The following HEMK2 variants were observed in gnomAD, a reference collection of about 807,000 sequenced individuals.
The protein encoded by HEMK2 is methyltransferase HEMK2.
chr21:28,687,037 G>T, the HEMK2 span, among the ~76,000 whole-genome samples: 57 of 152,272 alleles, frequency 3.7e-4, no homozygotes, highest in African/African-American at 1.3e-3. Context: ...AGTATCAGAG[G>T]TTGAACAAAA....
At chr21:28,771,463 T>C in the HEMK2 span, among the ~76,000 whole-genome samples, 1 of 149,768 alleles carries the variant, frequency 6.7e-6, no homozygotes, top group Non-Finnish European at 1.5e-5. Context: ...TACTGGCACC[T>C]AGTGGGTACA....
At chr21:28,803,055 C>G in the HEMK2 span, among the ~76,000 whole-genome samples, 2 of 152,196 alleles carry the variant, frequency 1.3e-5, no homozygotes, top group African/African-American at 4.8e-5. Flanking sequence ...AAGAATGGGT[C>G]AGGCACCTGT....
At chr21:28,716,126 C>CT in the HEMK2 span, among the ~76,000 whole-genome samples, 81,568 of 151,902 alleles carry the variant, frequency 0.54, 23,912 homozygotes, top group East Asian at 0.84. Flanking sequence ...TATTTGGACT[C>CT]TTTTTTGGTT....
At chr21:28,863,832 T>C in the HEMK2 span, among the ~76,000 whole-genome samples, 2 of 152,036 alleles carry the variant, frequency 1.3e-5, no homozygotes, top group African/African-American at 4.8e-5. Context: ...TTTTCTATAA[T>C]TTATTTATTT....
chr21:28,730,159 C>G, the HEMK2 span, among the ~76,000 whole-genome samples: 3 of 151,888 alleles, frequency 2.0e-5, no homozygotes, highest in African/African-American at 7.3e-5. Flanking sequence ...GGGAGGATCA[C>G]TTGAGTCCAG....
At chr21:28,806,133 T>C in the HEMK2 span, among the ~76,000 whole-genome samples, 2 of 152,188 alleles carry the variant, frequency 1.3e-5, no homozygotes, top group African/African-American at 2.4e-5. Context: ...CTGAGTGTGT[T>C]TTCCAGGAAT....
At chr21:28,838,972 A>AATATATATAT in the HEMK2 span, among the ~76,000 whole-genome samples, 20 of 29,138 alleles carry the variant, frequency 6.9e-4, no homozygotes, top group Middle Eastern at 0.029. Context: ...AAAAAAAAAA[A>AATATATATAT]ATATATATAT....
chr21:28,721,924 A>T, the HEMK2 span, among the ~76,000 whole-genome samples: 1 of 146,876 alleles, frequency 6.8e-6, no homozygotes, highest in South Asian at 2.1e-4. Context: ...ACACACACAC[A>T]CACACACACA....
chr21:28,689,714 G>A, the HEMK2 span, among the ~76,000 whole-genome samples: 1 of 152,142 alleles, frequency 6.6e-6, no homozygotes, highest in African/African-American at 2.4e-5. Flanking sequence ...CTTATTAACT[G>A]ACCTTAAAAT....
chr21:28,757,016 A>G, the HEMK2 span, among the ~76,000 whole-genome samples: 1 of 152,190 alleles, frequency 6.6e-6, no homozygotes, highest in African/African-American at 2.4e-5. Flanking sequence ...AATAGCCTGG[A>G]TAGTTAGTAT....
chr21:28,711,873 C>G, the HEMK2 span, among the ~76,000 whole-genome samples: 1 of 152,148 alleles, frequency 6.6e-6, no homozygotes, highest in Non-Finnish European at 1.5e-5. Context: ...TGAGAGCCCT[C>G]TTCCGTCTTG....
At chr21:28,747,568 C>A in the HEMK2 span, among the ~76,000 whole-genome samples, 29,478 of 152,144 alleles carry the variant, frequency 0.19, 3,568 homozygotes, top group African/African-American at 0.34. Flanking sequence ...TTTCAGAGTT[C>A]CAATACTCCT....
chr21:28,750,807 G>GAGT, the HEMK2 span, among the ~76,000 whole-genome samples: 3 of 151,864 alleles, frequency 2.0e-5, no homozygotes, highest in African/African-American at 4.8e-5. Flanking sequence ...ACCTGGTTCA[G>GAGT]TCTTTCACAA....
the HEMK2 span, chr21:28,671,146 A>C: frequency 1.3e-5 from 2 of 152,250 alleles, no homozygotes; most frequent in African/African-American, 4.8e-5. Flanking sequence ...CTCAGGCCTC[A>C]GAGACTGCAG....
At chr21:28,841,254 T>TTATA in the HEMK2 span, among the ~76,000 whole-genome samples, 1 of 5,148 alleles carries the variant, frequency 1.9e-4, no homozygotes, top group Non-Finnish European at 2.6e-4. Context: ...ATATAATATA[T>TTATA]TATATATAAT....
the HEMK2 span, chr21:28,885,220 T>C: frequency 3.8e-6 from 6 of 1,579,920 alleles, no homozygotes; most frequent in Non-Finnish European, 5.2e-6. Flanking sequence ...ACCCTGCCAG[T>C]TCGGCAGCCG....
the HEMK2 span, among the ~76,000 whole-genome samples, chr21:28,750,700 C>CA: frequency 0.02 from 1,597 of 80,066 alleles, 43 homozygotes; most frequent in African/African-American, 0.024. Context: ...GGCTCCATCT[C>CA]AAAAAAAAAA....
chr21:28,618,001 T>A, the HEMK2 span, among the ~76,000 whole-genome samples: 1 of 152,180 alleles, frequency 6.6e-6, no homozygotes, highest in Non-Finnish European at 1.5e-5. Context: ...TTGCCCAGGC[T>A]GGTCTCAAAC....
the HEMK2 span, among the ~76,000 whole-genome samples, chr21:28,853,388 T>C: frequency 6.1e-4 from 93 of 152,334 alleles, 3 homozygotes; most frequent in East Asian, 0.016. Flanking sequence ...AATCAATAAA[T>C]TCAGCCTGAT....
Sources: gnomAD v4.1 joint callset for allele counts (sites outside exome capture counted in the v4.1 genomes callset) on GRCh38, gnomAD v4.1.1 for gene constraint, MANE v1.5 for transcripts, NCBI Gene and HGNC (gene_info 2026-07-23, HGNC 2026-07-21) for gene names.